The following ITPRIPL2 variants were observed in gnomAD, a reference collection of about 807,000 sequenced individuals.
The protein encoded by ITPRIPL2 is inositol 1,4,5-trisphosphate receptor-interacting protein-like 2.
Under a neutral mutation model 31.7 loss-of-function variants are expected in ITPRIPL2, and 29 were observed. The ratio of observed to expected loss-of-function variants is 0.91; its 90% CI spans 0.68 to 1.25. The LOEUF (loss-of-function observed/expected upper bound fraction) is 1.25. Among genes scored for constraint, ITPRIPL2 ranks in the 50% most tolerant of loss-of-function variants. The pLI is 0.00. For synonymous variants in ITPRIPL2, 344 were observed against 343.4 expected (o/e 1.00, Z -0.02); for missense variants, 696 against 739.1 (o/e 0.94, Z 0.68).
At position 19,119,601 on chromosome 16, in the gene ITPRIPL2, G is replaced by A. The variant is rs184468103; in HGVS notation, c.*3532G>A. On this transcript the variant is annotated 3_prime_UTR_variant, in exon 1 of 1. Transcript: ENST00000381440. ...CACCAGTTTGCGACCACTGCCTTAC[G>A]TAGTTAACACCCTGAGTATGTATAC... 1 of 167,086 alleles carries A rather than the reference G, an allele frequency of 6.0e-6. No individual in the cohort carries two copies. The highest frequency in any genetic ancestry group is 6.5e-5 in the Admixed American group (1 of 15,282). 10.4% of individuals were successfully genotyped at this position (167,086 alleles called of 1,614,324 possible).
In ITPRIPL2 at chr16:19,118,723, G is replaced by T; in HGVS notation, c.*2654G>T. The stretch of plus-strand genomic sequence containing the variant: ...TATTACTGTTTTATTTAAATGCCAT[G>T]CTGAGCAATTGTTCTCTGTACATGG... On this transcript the variant is annotated 3_prime_UTR_variant, in exon 1 of 1. Transcript: ENST00000381440. The T allele has an allele frequency of 5.5e-6, 2 of 361,712 alleles. No homozygotes were observed. The highest frequency in any genetic ancestry group is 1.0e-5 in the Non-Finnish European group (2 of 195,022). The allele number at this position is 361,712 out of a possible 1,614,324, so 22.4% of individuals were successfully genotyped here.
Position 19,117,509 on chromosome 16 carries a change from A to G in ITPRIPL2, c.*1440A>G, listed in dbSNP as rs901529348. 6.0e-6 allele frequency: 1 copy of G among 167,058 alleles called. No individual in the cohort carries two copies. The highest frequency in any genetic ancestry group is 1.5e-5 in the Non-Finnish European group (1 of 68,116). 10.3% of individuals were successfully genotyped at this position (167,058 alleles called of 1,614,324 possible). A position where few individuals can be genotyped will look rare whatever the true frequency, so the allele number is the denominator to read the frequency against. On this transcript the variant is annotated 3_prime_UTR_variant, in exon 1 of 1. Coordinates refer to ENST00000381440, the MANE Select transcript of ITPRIPL2 (RefSeq NM_001034841.4). ...AATTCTTCCTTGTTCTCCCAAATTTATAACAGTCCTCAATTGCAGTTTAAG... is the reference window on the plus strand; with the variant it reads ...AATTCTTCCTTGTTCTCCCAAATTTGTAACAGTCCTCAATTGCAGTTTAAG...
rs910049561 is a variant in ITPRIPL2 at position 19,117,290 on chromosome 16, CA to C, written c.*1225del. 6 of 167,106 alleles carry C rather than the reference CA, an allele frequency of 3.6e-5. No individual in the cohort carries two copies. Among genetic ancestry groups the C allele is most frequent in the Non-Finnish European group, 8.8e-5 (6 of 68,122 alleles). 10.4% of individuals were successfully genotyped at this position (167,106 alleles called of 1,614,324 possible). ...ACCTGTTGATTCAGCACAGGTCTTG[CA>C]AAACATTTCACTTATAGTTCAGTAT... On this transcript the variant is annotated 3_prime_UTR_variant, in exon 1 of 1. Transcript: ENST00000381440.
Position 19,115,493 on chromosome 16 carries a change from G to A in ITPRIPL2, c.1032G>A (p.Glu344=), listed in dbSNP as rs1356815702. Residue 344 remains glutamate, a synonymous_variant, in exon 1 of 1, where the codon GAG becomes GAA. Coordinates refer to ENST00000381440, the MANE Select transcript of ITPRIPL2 (RefSeq NM_001034841.4). Reference sequence around the variant, plus strand: ...AGCTCCCTGAGGGCCTGCGTGCGGAGGCACTGTGGGGTGTGAACACAGCAC... The same window carrying A: ...AGCTCCCTGAGGGCCTGCGTGCGGAAGCACTGTGGGGTGTGAACACAGCAC... ...LLELPEGLRA[E]ALWGVNTARQ... is the part of the protein sequence containing the mutation. The A allele has an allele frequency of 1.2e-5, 19 of 1,606,162 alleles. No homozygotes were observed. Among genetic ancestry groups the A allele is most frequent in the Admixed American group, 1.7e-5 (1 of 59,980 alleles).
chr16:19,115,582 A>G lies in ITPRIPL2; in HGVS notation c.1121A>G (p.Lys374Arg). The change falls in exon 1 of 1, where the codon AAG becomes AGG. Residue 374 changes from lysine (K) to arginine (R), a missense_variant. By Grantham distance (26) the Lys-to-Arg change is conservative (BLOSUM62 2). Coordinates refer to ENST00000381440, the MANE Select transcript of ITPRIPL2 (RefSeq NM_001034841.4). ...ERAAPGACYL[K>R]CLQLLKALRD... ...GCAGCTCCAGGTGCCTGCTACCTCA[A>G]GTGCCTGCAGTTGCTTAAGGCTCTG... The G allele has an allele frequency of 6.2e-7, 1 of 1,605,334 alleles. No homozygotes were observed. The highest frequency in any genetic ancestry group is 8.5e-7 in the Non-Finnish European group (1 of 1,178,838).
chr16:19,121,476 T>C lies in ITPRIPL2; in HGVS notation c.*5407T>C, dbSNP rs1963520317. On this transcript the variant is annotated 3_prime_UTR_variant, in exon 1 of 1. Transcript: ENST00000381440. ...CTACAATTGTATGATTCAAAGGCAA[T>C]TTAATCACCCCAAATTTCCATGGCC... 1 of 166,998 alleles carries C rather than the reference T, an allele frequency of 6.0e-6. No individual in the cohort carries two copies. The highest frequency in any genetic ancestry group is 1.5e-5 in the Non-Finnish European group (1 of 68,098). The allele number at this position is 166,998 out of a possible 1,614,324, so 10.3% of individuals were successfully genotyped here.
At position 19,119,300 on chromosome 16, in the gene ITPRIPL2, G is replaced by T; in HGVS notation, c.*3231G>T. The T allele has an allele frequency of 2.6e-6, 1 of 385,438 alleles. No homozygotes were observed. Among genetic ancestry groups the T allele is most frequent in the Non-Finnish European group, 4.8e-6 (1 of 209,190 alleles). 23.9% of individuals were successfully genotyped at this position (385,438 alleles called of 1,614,324 possible). A position where few individuals can be genotyped will look rare whatever the true frequency, so the allele number is the denominator to read the frequency against. On this transcript the variant is annotated 3_prime_UTR_variant, in exon 1 of 1. Transcript: ENST00000381440. ...AATGAAGTGAAAATGGCGTGAGGGT[G>T]TGAGAGAGGTTTGGGTTAGGAAACA...
Position 19,117,444 on chromosome 16 carries a change from A to G in ITPRIPL2, c.*1375A>G, listed in dbSNP as rs1039150865. On this transcript the variant is annotated 3_prime_UTR_variant, in exon 1 of 1. Transcript: ENST00000381440. The stretch of plus-strand genomic sequence containing the variant: ...TTTCTCTTTAGGTGTCAGTATCACC[A>G]GGTTGGGTGTATTTTGCAGCTGGGA... 19 of 167,030 alleles carry G rather than the reference A, an allele frequency of 1.1e-4. No individual in the cohort carries two copies. The highest frequency in any genetic ancestry group is 4.3e-4 in the African/African-American group (18 of 41,424). 10.3% of individuals were successfully genotyped at this position (167,030 alleles called of 1,614,324 possible).
At position 19,118,628 on chromosome 16, in the gene ITPRIPL2, T is replaced by G; in HGVS notation, c.*2559T>G. 5.4e-6 allele frequency: 1 copy of G among 184,342 alleles called. No individual in the cohort carries two copies. The highest frequency in any genetic ancestry group is 1.5e-4 in the East Asian group (1 of 6,544). The allele number at this position is 184,342 out of a possible 1,614,324, so 11.4% of individuals were successfully genotyped here. A position where few individuals can be genotyped will look rare whatever the true frequency, so the allele number is the denominator to read the frequency against. ...TTCAGGTTAATTACCCAAAGCCTCA[T>G]CCATCCTCAAGGTTTTTAAATTTTA... is the stretch of plus-strand genomic sequence containing the variant. On this transcript the variant is annotated 3_prime_UTR_variant, in exon 1 of 1. Transcript: ENST00000381440.
chr16:19,116,250 A>G lies in ITPRIPL2; in HGVS notation c.*181A>G, dbSNP rs1963443846. 2 of 607,622 alleles carry G rather than the reference A, an allele frequency of 3.3e-6. No individual in the cohort carries two copies. The highest frequency in any genetic ancestry group is 5.8e-6 in the Non-Finnish European group (2 of 344,026). 37.6% of individuals were successfully genotyped at this position (607,622 alleles called of 1,614,324 possible). On this transcript the variant is annotated 3_prime_UTR_variant, in exon 1 of 1. Transcript: ENST00000381440. ...TCGCTTCACAGTCCAGTATAATATG[A>G]CATCTTCACACCCACTAGAGTGTCC... is the stretch of plus-strand genomic sequence containing the variant.
rs1410677853 is a variant in ITPRIPL2 at position 19,116,670 on chromosome 16, A to T, written c.*601A>T. Reference sequence around the variant, plus strand: ...GGTGCAATCACAGGTGTTTGACAAGATTGTCAACAAGTTAAGTCACATAGA... The same window carrying T: ...GGTGCAATCACAGGTGTTTGACAAGTTTGTCAACAAGTTAAGTCACATAGA... On this transcript the variant is annotated 3_prime_UTR_variant, in exon 1 of 1. Coordinates refer to ENST00000381440, the MANE Select transcript of ITPRIPL2 (RefSeq NM_001034841.4). 6.0e-6 allele frequency: 1 copy of T among 167,128 alleles called. No homozygotes were observed. The highest frequency in any genetic ancestry group is 1.5e-5 in the Non-Finnish European group (1 of 68,134). The allele number at this position is 167,128 out of a possible 1,614,324, so 10.4% of individuals were successfully genotyped here.
Position 19,114,380 on chromosome 16 carries a change from G to A in ITPRIPL2, c.-82G>A. 1 of 1,108,238 alleles carries A rather than the reference G, an allele frequency of 9.0e-7. No individual in the cohort carries two copies. The highest frequency in any genetic ancestry group is 1.2e-6 in the Non-Finnish European group (1 of 865,592). The allele number at this position is 1,108,238 out of a possible 1,614,324, so 68.7% of individuals were successfully genotyped here. A position where few individuals can be genotyped will look rare whatever the true frequency, so the allele number is the denominator to read the frequency against. ...AGACGGGGACAGCGGGGCTGCCCGG[G>A]CGCTGTGCGCATGCTGGGCTTGGGT... On this transcript the variant is annotated 5_prime_UTR_variant, in exon 1 of 1. Transcript: ENST00000381440.
In ITPRIPL2 at chr16:19,120,427, ATTTTC is replaced by A. The variant is rs1158819189; in HGVS notation, c.*4368_*4372del. 4 of 133,900 alleles carry A rather than the reference ATTTTC, an allele frequency of 3.0e-5. No individual in the cohort carries two copies. Among genetic ancestry groups the A allele is most frequent in the Admixed American group, 7.8e-5 (1 of 12,782 alleles). 8.3% of individuals were successfully genotyped at this position (133,900 alleles called of 1,614,324 possible). ...GACTTCACCCCTGAATGTTTCTATC[ATTTTC>A]TTTTCTTTTTTTTTTTTTTTCGAGA... On this transcript the variant is annotated 3_prime_UTR_variant, in exon 1 of 1. Coordinates refer to ENST00000381440, the MANE Select transcript of ITPRIPL2 (RefSeq NM_001034841.4).
At position 19,119,300 on chromosome 16, in the gene ITPRIPL2, G is replaced by A. The variant is rs1963483168; in HGVS notation, c.*3231G>A. On this transcript the variant is annotated 3_prime_UTR_variant, in exon 1 of 1. Coordinates refer to ENST00000381440, the MANE Select transcript of ITPRIPL2 (RefSeq NM_001034841.4). The stretch of plus-strand genomic sequence containing the variant: ...AATGAAGTGAAAATGGCGTGAGGGT[G>A]TGAGAGAGGTTTGGGTTAGGAAACA... The A allele has an allele frequency of 2.6e-6, 1 of 385,438 alleles. No individual in the cohort carries two copies. Among genetic ancestry groups the A allele is most frequent in the East Asian group, 3.9e-5 (1 of 25,744 alleles). The allele number at this position is 385,438 out of a possible 1,614,324, so 23.9% of individuals were successfully genotyped here. A position where few individuals can be genotyped will look rare whatever the true frequency, so the allele number is the denominator to read the frequency against.
In ITPRIPL2 at chr16:19,119,203, T is replaced by C. The variant is rs1963482111; in HGVS notation, c.*3134T>C. The C allele has an allele frequency of 7.3e-6, 3 of 411,248 alleles. No individual in the cohort carries two copies. The highest frequency in any genetic ancestry group is 1.3e-5 in the Non-Finnish European group (3 of 225,462). 25.5% of individuals were successfully genotyped at this position (411,248 alleles called of 1,614,324 possible). A position where few individuals can be genotyped will look rare whatever the true frequency, so the allele number is the denominator to read the frequency against. ...AAGCTGAAAGAAAGGAGAATTCGAG[T>C]GAACCAAGAGAAATCCAAAGACCTG... is the stretch of plus-strand genomic sequence containing the variant. On this transcript the variant is annotated 3_prime_UTR_variant, in exon 1 of 1. Coordinates refer to ENST00000381440, the MANE Select transcript of ITPRIPL2 (RefSeq NM_001034841.4).
At position 19,118,025 on chromosome 16, in the gene ITPRIPL2, A is replaced by G. The variant is rs1278183311; in HGVS notation, c.*1956A>G. 6.0e-6 allele frequency: 1 copy of G among 166,608 alleles called. No homozygotes were observed. The highest frequency in any genetic ancestry group is 2.4e-5 in the African/African-American group (1 of 41,286). 10.3% of individuals were successfully genotyped at this position (166,608 alleles called of 1,614,324 possible). A position where few individuals can be genotyped will look rare whatever the true frequency, so the allele number is the denominator to read the frequency against. The stretch of plus-strand genomic sequence containing the variant: ...AAACTGCACGGTATTTTTTAAAATT[A>G]GTTTTTAAAATAAATGCCAAGAGTA... On this transcript the variant is annotated 3_prime_UTR_variant, in exon 1 of 1. Transcript: ENST00000381440.
At position 19,114,413 on chromosome 16, in the gene ITPRIPL2, G is replaced by GGGGCTTGCCCCCT. The variant is rs1963402423; in HGVS notation, c.-43_-31dup. 1 of 1,283,786 alleles carries GGGGCTTGCCCCCT rather than the reference G, an allele frequency of 7.8e-7. No individual in the cohort carries two copies. The highest frequency in any genetic ancestry group is 9.9e-7 in the Non-Finnish European group (1 of 1,013,898). The allele number at this position is 1,283,786 out of a possible 1,614,324, so 79.5% of individuals were successfully genotyped here. ...CGCATGCTGGGCTTGGGTCGCCGCC[G>GGGGCTTGCCCCCT]GGGCTTGCCCCCTGGGCTGCTCGGC... is the stretch of plus-strand genomic sequence containing the variant. On this transcript the variant is annotated 5_prime_UTR_variant, in exon 1 of 1. Transcript: ENST00000381440.
Position 19,115,430 on chromosome 16 carries a change from G to A in ITPRIPL2, c.969G>A (p.Ala323=), listed in dbSNP as rs1963426816. 1.2e-6 allele frequency: 2 copies of A among 1,610,252 alleles called. No homozygotes were observed. The highest frequency in any genetic ancestry group is 1.7e-6 in the Non-Finnish European group (2 of 1,179,986). Residue 323 remains alanine, a synonymous_variant, in exon 1 of 1, where the codon GCG becomes GCA. Coordinates refer to ENST00000381440, the MANE Select transcript of ITPRIPL2 (RefSeq NM_001034841.4). ...TGGGAGATGGGGTCTTCCTTGTGGC[G>A]CCACCACCGCCACCCTTGCCCAGCG... ...VHLGDGVFLV[A]PPPPPLPSAP...
rs1567552165 is a variant in ITPRIPL2, at chr16:19,119,064, T to C, written c.*2995T>C. 2 of 413,508 alleles carry C rather than the reference T, an allele frequency of 4.8e-6. No homozygotes were observed. The highest frequency in any genetic ancestry group is 8.8e-6 in the Non-Finnish European group (2 of 226,140). 25.6% of individuals were successfully genotyped at this position (413,508 alleles called of 1,614,324 possible). A position where few individuals can be genotyped will look rare whatever the true frequency, so the allele number is the denominator to read the frequency against. Reference sequence around the variant, plus strand: ...TGGAGGAAAATGTTTCTGGGGAAGATGACTCAGTCATTTTGTGGCGAGACA... The same window carrying C: ...TGGAGGAAAATGTTTCTGGGGAAGACGACTCAGTCATTTTGTGGCGAGACA... On this transcript the variant is annotated 3_prime_UTR_variant, in exon 1 of 1. Coordinates refer to ENST00000381440, the MANE Select transcript of ITPRIPL2 (RefSeq NM_001034841.4).
Sources: allele counts gnomAD v4.1 joint callset, GRCh38; gene constraint gnomAD v4.1.1; transcripts MANE v1.5; gene names NCBI Gene and HGNC (gene_info 2026-07-23, HGNC 2026-07-21).